The following DENR variants were observed in gnomAD, a reference collection of about 807,000 sequenced individuals.
The protein encoded by DENR is density-regulated protein.
In DENR, 6 loss-of-function variants were observed where a neutral mutation model predicts 30.6. The ratio of observed to expected loss-of-function variants is 0.20; its 90% CI spans 0.11 to 0.39. The LOEUF is 0.39. DENR is among the 10% of genes least tolerant of loss of function. DENR has a pLI of 1.00. For missense variants in DENR, 141 were observed against 230.9 expected (o/e 0.61, Z 2.52); for synonymous variants, 78 against 72.1 (o/e 1.08, Z -0.41).
In DENR at chr12:122,769,782, G is replaced by C. The variant is rs1379871369; in HGVS notation, c.*704G>C. The C allele has an allele frequency of 6.6e-6, 1 of 152,170 alleles. No individual in the cohort carries two copies. The highest frequency in any genetic ancestry group is 1.5e-5 in the Non-Finnish European group (1 of 68,076). 9.4% of individuals were successfully genotyped at this position (152,170 alleles called of 1,614,324 possible). A position where few individuals can be genotyped will look rare whatever the true frequency, so the allele number is the denominator to read the frequency against. ...AGCCTCCCAAAGTGCTGGTATTACA[G>C]ATGTGAGCCACCGCACCCAGCCTGA... On this transcript the variant is annotated 3_prime_UTR_variant, in exon 8 of 8. Coordinates refer to ENST00000280557, the MANE Select transcript of DENR (RefSeq NM_003677.5).
At chr12:122,760,139 T>C (rs116235597) in intron 2 of DENR, among the ~76,000 whole-genome samples, 1,846 of 152,294 alleles carry the variant, frequency 0.012, 39 homozygotes, top group African/African-American at 0.042. Context: ...TTGTGTAACC[T>C]AAGTTAGTGG....
intron 2 of DENR, among the ~76,000 whole-genome samples, chr12:122,761,279 G>A (rs1020650999): frequency 6.6e-6 from 1 of 152,090 alleles, no homozygotes; most frequent in African/African-American, 2.4e-5. Flanking sequence ...GGGCGTGGTG[G>A]CACACGCCTG....
Position 122,769,254 on chromosome 12 carries a change from A to ATATGTATACATATATACACATATATG in DENR, c.*179_*180insGTATACATATATACACATATATGTAT. ...TGTGTGTATGTATACATGTATATAT[A>ATATGTATACATATATACACATATATG]TATACATACACATATATGTATACAT... On this transcript the variant is annotated 3_prime_UTR_variant, in exon 8 of 8. Coordinates refer to ENST00000280557, the MANE Select transcript of DENR (RefSeq NM_003677.5). The ATATGTATACATATATACACATATATG allele has an allele frequency of 1.4e-6, 1 of 704,792 alleles. No individual in the cohort carries two copies. Among genetic ancestry groups the ATATGTATACATATATACACATATATG allele is most frequent in the East Asian group, 7.8e-5 (1 of 12,810 alleles). The allele number at this position is 704,792 out of a possible 1,614,324, so 43.7% of individuals were successfully genotyped here. A position where few individuals can be genotyped will look rare whatever the true frequency, so the allele number is the denominator to read the frequency against.
At chr12:122,753,628 G>A (rs1442823928) in intron 1 of DENR, 65 bp from the exon 2 acceptor site, 4 of 1,285,740 alleles carry the variant, frequency 3.1e-6, no homozygotes, top group South Asian at 1.2e-5. Flanking sequence ...CTGTTGAGAG[G>A]AACACTGCTC....
At chr12:122,762,268 A>T in intron 3 of DENR, 62 bp downstream of exon 3, 1 of 1,146,414 alleles carries the variant, frequency 8.7e-7, no homozygotes, top group Non-Finnish European at 1.2e-6. Flanking sequence ...TTTTAAAGCT[A>T]CCTTGAGAAT....
At chr12:122,768,640 G>A (rs1050452324) in intron 6 of DENR, 142 bp from the exon 7 acceptor site, 5 of 742,136 alleles carry the variant, frequency 6.7e-6, no homozygotes, top group Non-Finnish European at 1.0e-5. Flanking sequence ...CTCTGTGGTA[G>A]TTTGTATTGT....
Position 122,769,246 on chromosome 12 carries a change from GTA to G in DENR, c.*179_*180del, listed in dbSNP as rs549049409. On this transcript the variant is annotated 3_prime_UTR_variant, in exon 8 of 8. Coordinates refer to ENST00000280557, the MANE Select transcript of DENR (RefSeq NM_003677.5). ...TATATACATGTGTGTATGTATACAT[GTA>G]TATATATATACATACACATATATGT... 1.3e-3 allele frequency: 734 copies of G among 552,872 alleles called. 15 individuals are homozygous for G. The South Asian group carries it at 0.031, about 24-fold the overall frequency. The allele number at this position is 552,872 out of a possible 1,614,324, so 34.2% of individuals were successfully genotyped here. A position where few individuals can be genotyped will look rare whatever the true frequency, so the allele number is the denominator to read the frequency against.
In DENR at chr12:122,765,169, C is replaced by T. The variant is rs1002059075; in HGVS notation, c.212-135C>T. ...TTGAATAGAAATCTAGCAGTGTAAT[C>T]CATTGCTTTACAAATTTCATGCTCA... On this transcript the variant is annotated intron_variant, in intron 4 of 7. Transcript: ENST00000280557. 10 of 645,028 alleles carry T rather than the reference C, an allele frequency of 1.6e-5. No individual in the cohort carries two copies. The Middle Eastern group carries it at 1.7e-3, about 109-fold the overall frequency. The allele number at this position is 645,028 out of a possible 1,614,324, so 40.0% of individuals were successfully genotyped here. A position where few individuals can be genotyped will look rare whatever the true frequency, so the allele number is the denominator to read the frequency against.
intron 2 of DENR, among the ~76,000 whole-genome samples, chr12:122,759,906 T>C (rs955579247): frequency 4.6e-5 from 7 of 152,204 alleles, no homozygotes; most frequent in African/African-American, 1.7e-4. Flanking sequence ...GAGAGATCTT[T>C]GGTGGAAATA....
At chr12:122,753,273 C>G in intron 1 of DENR, among the ~76,000 whole-genome samples, 1 of 151,852 alleles carries the variant, frequency 6.6e-6, no homozygotes, top group South Asian at 2.1e-4. Context: ...CCGGGCTTCT[C>G]CGATGACCCA....
chr12:122,755,815 C>T (rs1264558182), intron 2 of DENR, among the ~76,000 whole-genome samples: 1 of 152,204 alleles, frequency 6.6e-6, no homozygotes, highest in African/African-American at 2.4e-5. Flanking sequence ...TGTCAACACT[C>T]TCCAGAACAG....
At chr12:122,756,905 AAATT>A (rs1878564846) in intron 2 of DENR, among the ~76,000 whole-genome samples, 1 of 152,240 alleles carries the variant, frequency 6.6e-6, no homozygotes, top group Non-Finnish European at 1.5e-5. Flanking sequence ...ACTTTAGACA[AAATT>A]AATGAGCATT....
intron 5 of DENR, among the ~76,000 whole-genome samples, chr12:122,766,954 T>A (rs189028791): frequency 6.6e-6 from 1 of 152,338 alleles, no homozygotes; most frequent in African/African-American, 2.4e-5. Context: ...TTCATAAGCA[T>A]CCTTCAATCA....
chr12:122,756,970 G>A (rs1215010716), intron 2 of DENR, among the ~76,000 whole-genome samples: 2 of 152,142 alleles, frequency 1.3e-5, no homozygotes, highest in African/African-American at 4.8e-5. Context: ...AATTATGGTA[G>A]GATGAACAGT....
chr12:122,767,689 A>T, intron 6 of DENR, 85 bp downstream of exon 6: 1 of 689,618 alleles, frequency 1.5e-6, no homozygotes, highest in Non-Finnish European at 2.2e-6. Flanking sequence ...TCTCTCTCTC[A>T]CATACCATGA....
intron 2 of DENR, among the ~76,000 whole-genome samples, chr12:122,758,699 G>A (rs1391592720): frequency 6.6e-6 from 1 of 152,056 alleles, no homozygotes; most frequent in Non-Finnish European, 1.5e-5. Flanking sequence ...CCAGCTACTC[G>A]GAGGCTGTAG....
Position 122,769,583 on chromosome 12 carries a change from T to C in DENR, c.*505T>C. 2 of 637,818 alleles carry C rather than the reference T, an allele frequency of 3.1e-6. No homozygotes were observed. The highest frequency in any genetic ancestry group is 4.2e-5 in the South Asian group (1 of 23,694). 39.5% of individuals were successfully genotyped at this position (637,818 alleles called of 1,614,324 possible). ...ATGCAGTGGTGCGATCTCGGCTCAC[T>C]GCAACCTCCGCCTCCCGGGTTCAAG... On this transcript the variant is annotated 3_prime_UTR_variant, in exon 8 of 8. Transcript: ENST00000280557.
At chr12:122,763,183 C>T in intron 4 of DENR, 2 of 288,670 alleles carry the variant, frequency 6.9e-6, no homozygotes, top group South Asian at 8.7e-5. Flanking sequence ...AGGCGGATCA[C>T]AAGGTCAGGA....
At chr12:122,763,465 G>T (rs1011713045) in intron 4 of DENR, among the ~76,000 whole-genome samples, 15 of 152,168 alleles carry the variant, frequency 9.9e-5, no homozygotes, top group Non-Finnish European at 1.9e-4. Context: ...CAGCACTTTG[G>T]GAGGCTGAGG....
Sources: allele counts gnomAD v4.1 joint callset (sites outside exome capture counted in the v4.1 genomes callset), GRCh38; gene constraint gnomAD v4.1.1; transcripts MANE v1.5; gene names NCBI Gene and HGNC (gene_info 2026-07-23, HGNC 2026-07-21).